Variants in CTTNBP2 observed in about 807,000 individuals in gnomAD.
CTTNBP2 encodes the protein cortactin binding protein 2, also known as cortactin-binding protein 2.
Under a neutral mutation model 156.9 loss-of-function variants are expected in CTTNBP2, and 108 were observed. The observed-to-expected ratio is 0.69, with a 90% confidence interval of 0.59 to 0.81. The LOEUF (loss-of-function observed/expected upper bound fraction) is 0.81. Ranked by LOEUF, CTTNBP2 falls within the 30% of genes least tolerant of loss-of-function variation. CTTNBP2 has a pLI of 0.00. For synonymous variants in CTTNBP2, 767 were observed against 751.8 expected, an observed-to-expected ratio of 1.02 and a Z score of -0.33; for missense variants, 1,924 against 2,035.4, an observed-to-expected ratio of 0.95 and a Z score of 1.05.
At chr7:117,823,293 T>C (rs944439662) in intron 2 of CTTNBP2, among the ~76,000 whole-genome samples, 1 of 152,230 alleles carries the variant, frequency 6.6e-6, no homozygotes, top group East Asian at 1.9e-4. Flanking sequence ...TAAGCAATTA[T>C]GATTTTGATT....
chr7:117,796,643 C>G (rs1056735483), intron 3 of CTTNBP2, among the ~76,000 whole-genome samples: 1 of 152,006 alleles, frequency 6.6e-6, no homozygotes, highest in Non-Finnish European at 1.5e-5. Context: ...GCATAGTGCC[C>G]GGCACTAAAA....
At chr7:117,755,238 T>G (rs1796822942) in intron 12 of CTTNBP2, 1 of 200,836 alleles carries the variant, frequency 5.0e-6, no homozygotes. Flanking sequence ...GTTTCTCTGC[T>G]ACTGTGGCTG....
Position 117,734,953 on chromosome 7 carries a change from C to A in CTTNBP2, c.3836G>T (p.Gly1279Val). 1 of 1,612,422 alleles carries A rather than the reference C, an allele frequency of 6.2e-7. No homozygotes were observed. Among genetic ancestry groups the A allele is most frequent in the Non-Finnish European group, 8.5e-7 (1 of 1,178,672 alleles). The change falls in exon 16 of 23, where the codon GGA (glycine) becomes GTA (valine). Residue 1279 changes from glycine to valine, a missense_variant. Physicochemically the swap from Gly to Val is moderately radical, Grantham distance 109. Coordinates refer to ENST00000160373, the MANE Select transcript of CTTNBP2 (RefSeq NM_033427.3). ...QLRWDGEPMQGLLQRFLRRKV... is the reference protein window; with the variant it reads ...QLRWDGEPMQVLLQRFLRRKV... The stretch of plus-strand genomic sequence containing the variant: ...CCTTCGTAAGAACCTCTGCAGCAGT[C>A]CTTGCATGGGCTCGCCATCCCACCG...
intron 2 of CTTNBP2, among the ~76,000 whole-genome samples, chr7:117,842,109 A>T (rs1351785910): frequency 6.6e-6 from 1 of 152,200 alleles, no homozygotes; most frequent in Non-Finnish European, 1.5e-5. Flanking sequence ...GGGTTAAAAA[A>T]TAGGTTAATA....
chr7:117,781,643 C>T (rs958105502), intron 6 of CTTNBP2, among the ~76,000 whole-genome samples: 1 of 152,194 alleles, frequency 6.6e-6, no homozygotes, highest in Non-Finnish European at 1.5e-5. Context: ...GAGGCCGAGG[C>T]AGGGGTATCG....
rs1183610451 is a variant in CTTNBP2, at chr7:117,711,875, TTC to T, written c.4747-95_4747-94del. ...CCTCTTTGAGCAAATGTACAGGAGT[TTC>T]TCTCTAAAACTATAGGTTCTCGTGA... is the stretch of plus-strand genomic sequence containing the variant. On this transcript the variant is annotated intron_variant, in intron 22 of 22. Transcript: ENST00000160373. 3 of 1,285,744 alleles carry T rather than the reference TTC, an allele frequency of 2.3e-6. No homozygotes were observed. In the East Asian group the frequency reaches 7.1e-5, roughly 30 times the overall value. The allele number at this position is 1,285,744 out of a possible 1,614,324, so 79.6% of individuals were successfully genotyped here. A position where few individuals can be genotyped will look rare whatever the true frequency, so the allele number is the denominator to read the frequency against.
At chr7:117,868,540 T>C (rs1440150079) in intron 1 of CTTNBP2, among the ~76,000 whole-genome samples, 1 of 152,240 alleles carries the variant, frequency 6.6e-6, no homozygotes, top group African/African-American at 2.4e-5. Flanking sequence ...CATCATGCTG[T>C]ACACGGCATT....
rs753668225 is a variant in CTTNBP2 at position 117,728,214 on chromosome 7, C to T, written c.3930G>A (p.Trp1310Ter). 3.1e-6 allele frequency: 5 copies of T among 1,614,144 alleles called. No individual in the cohort carries two copies. In the East Asian group the frequency reaches 1.1e-4, roughly 36 times the overall value. ...TAAGCTGACGCCAGACGGACAGAGCCCAGTCGACAATCTTGCACACAGGAT... is the reference window on the plus strand; with the variant it reads ...TAAGCTGACGCCAGACGGACAGAGCTCAGTCGACAATCTTGCACACAGGAT... ...PCDPVCKIVD[W>*]ALSVWRQLNS... Residue 1310 changes from tryptophan to a stop codon, truncating the protein, a stop_gained, in exon 17 of 23, where the codon TGG becomes TGA. Transcript: ENST00000160373. LOFTEE classifies it high-confidence loss of function.
chr7:117,725,660 T>C (rs1478296787), intron 17 of CTTNBP2, among the ~76,000 whole-genome samples: 2 of 152,272 alleles, frequency 1.3e-5, no homozygotes, highest in South Asian at 4.2e-4. Context: ...TGCACATACA[T>C]TGTATTGTAA....
At chr7:117,851,674 G>A (rs1802937978) in intron 2 of CTTNBP2, among the ~76,000 whole-genome samples, 1 of 152,072 alleles carries the variant, frequency 6.6e-6, no homozygotes, top group Non-Finnish European at 1.5e-5. Context: ...ACTTTCTGAA[G>A]CTCTTCCATT....
At chr7:117,813,278 C>G (rs1305522468) in intron 2 of CTTNBP2, among the ~76,000 whole-genome samples, 1 of 152,146 alleles carries the variant, frequency 6.6e-6, no homozygotes, top group African/African-American at 2.4e-5. Context: ...GTAGGACAAA[C>G]TACATAATCT....
chr7:117,742,160 A>G (rs1216979752), intron 14 of CTTNBP2, among the ~76,000 whole-genome samples: 2 of 152,186 alleles, frequency 1.3e-5, no homozygotes, highest in East Asian at 1.9e-4. Flanking sequence ...GGCTTTTTCT[A>G]TAGTTTCCAG....
intron 5 of CTTNBP2, among the ~76,000 whole-genome samples, chr7:117,783,650 A>G (rs1798549418): frequency 6.6e-6 from 1 of 152,206 alleles, no homozygotes; most frequent in Non-Finnish European, 1.5e-5. Context: ...TATCTGAATT[A>G]ATCGACAATC....
In CTTNBP2 at chr7:117,728,228, T is replaced by G. The variant is rs1795208890; in HGVS notation, c.3916A>C (p.Lys1306Gln). ...QAPSPCDPVC[K>Q]IVDWALSVWR... ...ACGGACAGAGCCCAGTCGACAATCTTGCACACAGGATCGCAGGGGGAGGGC... is the reference window on the plus strand; with the variant it reads ...ACGGACAGAGCCCAGTCGACAATCTGGCACACAGGATCGCAGGGGGAGGGC... The change falls in exon 17 of 23, where the codon AAG (lysine) becomes CAG (glutamine). Residue 1306 changes from lysine (K) to glutamine (Q), a missense_variant. Transcript: ENST00000160373. 2 of 1,614,016 alleles carry G rather than the reference T, an allele frequency of 1.2e-6. No homozygotes were observed. Among genetic ancestry groups the G allele is most frequent in the Non-Finnish European group, 1.7e-6 (2 of 1,179,984 alleles).
chr7:117,719,713 T>C, intron 20 of CTTNBP2, 77 bp from the exon 21 acceptor site: 1 of 1,291,504 alleles, frequency 7.7e-7, no homozygotes, highest in East Asian at 2.4e-5. Context: ...TGTACCTTTT[T>C]TGGGATTTGG....
At chr7:117,830,666 A>G (rs999284851) in intron 2 of CTTNBP2, among the ~76,000 whole-genome samples, 2 of 152,220 alleles carry the variant, frequency 1.3e-5, no homozygotes, top group African/African-American at 4.8e-5. Flanking sequence ...TAGAGTCATT[A>G]AACAGCTGAC....
intron 2 of CTTNBP2, among the ~76,000 whole-genome samples, chr7:117,838,238 C>T (rs1802066016): frequency 6.6e-6 from 1 of 152,160 alleles, no homozygotes; most frequent in Admixed American, 6.5e-5. Flanking sequence ...TAGCAATCAC[C>T]AGGAAAAATA....
chr7:117,797,511 A>G (rs1228987340), intron 3 of CTTNBP2, among the ~76,000 whole-genome samples: 1 of 152,196 alleles, frequency 6.6e-6, no homozygotes, highest in Non-Finnish European at 1.5e-5. Flanking sequence ...CCACGCTGGA[A>G]TTAGTGACAA....
intron 22 of CTTNBP2, chr7:117,715,995 TGGCAC>T (rs1393771256): frequency 6.6e-6 from 1 of 152,090 alleles, no homozygotes; most frequent in Admixed American, 6.5e-5. Context: ...TGCCCTCTGC[TGGCAC>T]TTTCTGAGAA....
Sources: gnomAD v4.1 joint callset for allele counts (sites outside exome capture counted in the v4.1 genomes callset) on GRCh38, gnomAD v4.1.1 for gene constraint, MANE v1.5 for transcripts, NCBI Gene and HGNC (gene_info 2026-07-23, HGNC 2026-07-21) for gene names.